The following SRSF1 variants were observed in gnomAD, a reference collection of about 807,000 sequenced individuals.
SRSF1 encodes the protein serine/arginine-rich splicing factor 1.
SRSF1 carries 1 observed loss-of-function variant against 25.9 expected under a neutral mutation model. That is an observed-to-expected ratio of 0.04 (90% confidence interval 0.01 to 0.18). The LOEUF (loss-of-function observed/expected upper bound fraction) is 0.18. Ranked by LOEUF, SRSF1 falls within the 10% of genes least tolerant of loss-of-function variation. The pLI is 1.00. For missense variants in SRSF1, 65 were observed against 350.5 expected, an observed-to-expected ratio of 0.19 and a Z score of 6.50; for synonymous variants, 132 against 126.2, an observed-to-expected ratio of 1.05 and a Z score of -0.31.
intron 1 of SRSF1, 179 bp from the exon 2 acceptor site, chr17:58,006,706 G>T: frequency 1.1e-6 from 1 of 886,618 alleles, no homozygotes; most frequent in Non-Finnish European, 1.7e-6. Context: ...CACTACACCA[G>T]CCCTCAGCGC....
At chr17:57,999,181 CT>C (rs1329436449), downstream of SRSF1, among the ~76,000 whole-genome samples, 1 of 152,142 alleles carries the variant, frequency 6.6e-6, no homozygotes, top group Non-Finnish European at 1.5e-5. Flanking sequence ...TTAAGACAAA[CT>C]TTAAGAACCT....
downstream of SRSF1, among the ~76,000 whole-genome samples, chr17:57,996,327 A>G (rs931219658): frequency 9.2e-5 from 14 of 152,000 alleles, no homozygotes; most frequent in East Asian, 1.7e-3. Context: ...TACTAAAAAT[A>G]CAAAAAATTA....
Position 58,006,533 on chromosome 17 carries a change from G to C in SRSF1, c.195-6C>G. On this transcript the variant is annotated splice_polypyrimidine_tract_variant and splice_region_variant and intron_variant, in intron 1 of 3. Transcript: ENST00000258962. ...ACACCGCGTCTTCCGCGTCTCTGCG[G>C]GATCGCAGAAAGTAAAAGGGATGAG... 2 of 1,609,266 alleles carry C rather than the reference G, an allele frequency of 1.2e-6. No individual in the cohort carries two copies. Among genetic ancestry groups the C allele is most frequent in the Non-Finnish European group, 1.7e-6 (2 of 1,177,292 alleles).
Position 58,005,790 on chromosome 17 carries a change from G to C in SRSF1, c.552+11C>G, listed in dbSNP as rs749317343. 6.2e-7 allele frequency: 1 copy of C among 1,614,102 alleles called. No homozygotes were observed. Among genetic ancestry groups the C allele is most frequent in the Non-Finnish European group, 8.5e-7 (1 of 1,180,028 alleles). Reference sequence around the variant, plus strand: ...ATTCTGGTCAAAGAAAAGAATACGTGTATAACCTACCTCATGAGATCTAAA... The same window carrying C: ...ATTCTGGTCAAAGAAAAGAATACGTCTATAACCTACCTCATGAGATCTAAA... On this transcript the variant is annotated intron_variant, in intron 3 of 3. Coordinates refer to ENST00000258962, the MANE Select transcript of SRSF1 (RefSeq NM_006924.5). The surrounding 1 kb of genome is among the most constrained non-coding windows in gnomAD (Gnocchi z 5.2).
rs1269153209 is a variant in SRSF1 at position 58,001,411 on chromosome 17, A to G, written c.*3995T>C. Among the ~76,000 whole-genome samples the G allele has an allele frequency of 6.6e-6, 1 of 152,202 alleles. No individual in the cohort carries two copies. The highest frequency in any genetic ancestry group is 1.5e-5 in the Non-Finnish European group (1 of 68,010). ...TATTCATATTCCAAACAGCATTTTA[A>G]AAAACATTAAACTTAGCTTAGTTTT... On this transcript the variant is annotated 3_prime_UTR_variant, in exon 4 of 4. Transcript: ENST00000258962.
At position 58,004,704 on chromosome 17, in the gene SRSF1, TGGG is replaced by T; in HGVS notation, c.*699_*701del. ...ACATTAGTCCCTATTAAAACAAAAA[TGGG>T]GGGAAGGGAGCAAAATAAGTTGCTA... On this transcript the variant is annotated 3_prime_UTR_variant, in exon 4 of 4. Coordinates refer to ENST00000258962, the MANE Select transcript of SRSF1 (RefSeq NM_006924.5). The T allele has an allele frequency of 3.0e-6, 1 of 330,344 alleles. No homozygotes were observed. Among genetic ancestry groups the T allele is most frequent in the Non-Finnish European group, 5.5e-6 (1 of 183,064 alleles). 20.5% of individuals were successfully genotyped at this position (330,344 alleles called of 1,614,324 possible).
chr17:57,993,887 G>A, the SRSF1 span: 2 of 152,110 alleles, frequency 1.3e-5, no homozygotes, highest in South Asian at 2.1e-4. Context: ...CTGTTTCCTC[G>A]TATTTCTGCA....
downstream of SRSF1, among the ~76,000 whole-genome samples, chr17:58,000,713 G>A (rs1044615488): frequency 1.3e-5 from 2 of 152,178 alleles, no homozygotes; most frequent in Non-Finnish European, 2.9e-5. Flanking sequence ...TTAGGCCTGT[G>A]TATGCTAGTA....
rs115432946 is a variant in SRSF1, at chr17:58,002,887, C to A, written c.*2519G>T. 0.011 allele frequency among the ~76,000 whole-genome samples: 1,635 copies of A among 152,248 alleles called. 18 individuals are homozygous for A. Among genetic ancestry groups the A allele is most frequent in the African/African-American group, 0.037 (1,556 of 41,550 alleles). ...ATTAGCCGGGCAAGGGTGGCACACA[C>A]TTGTAGTCTCAGCTACTTGGGAGAC... On this transcript the variant is annotated 3_prime_UTR_variant, in exon 4 of 4. Transcript: ENST00000258962.
the SRSF1 span, chr17:57,990,371 ATT>A: frequency 6.6e-6 from 1 of 152,180 alleles, no homozygotes; most frequent in Middle Eastern, 3.4e-3. Flanking sequence ...CAAAATCAGA[ATT>A]GATTGCTCCT....
In SRSF1 at chr17:58,006,419, C is replaced by CCCGCCG. The variant is rs1567749146; in HGVS notation, c.297_302dup (p.Gly105_Gly106dup). ...CTCGGGGAGCTCCGCCACCTCCACCCCCGCCGCCGCCTCGGCCTGTTCCAC... is the reference window on the plus strand; with the variant it reads ...CTCGGGGAGCTCCGCCACCTCCACCCCCGCCGCCGCCGCCGCCTCGGCCTGTTCCAC... On this transcript the variant is annotated inframe_insertion, in exon 2 of 4. Transcript: ENST00000258962. 1 of 1,613,206 alleles carries CCCGCCG rather than the reference C, an allele frequency of 6.2e-7. No individual in the cohort carries two copies. Among genetic ancestry groups the CCCGCCG allele is most frequent in the East Asian group, 2.2e-5 (1 of 44,878 alleles).
chr17:58,007,218 C>G lies in SRSF1; in HGVS notation c.-81G>C. The G allele has an allele frequency of 2.6e-6, 4 of 1,534,472 alleles. No individual in the cohort carries two copies. The highest frequency in any genetic ancestry group is 1.7e-4 in the Middle Eastern group (1 of 5,742). ...CGGCAGAGCGAGCCCGCAGCGGCAC[C>G]ACGTCTCCCGCGGCCCCTCCAAAAT... On this transcript the variant is annotated 5_prime_UTR_variant, in exon 1 of 4. Transcript: ENST00000258962.
downstream of SRSF1, among the ~76,000 whole-genome samples, chr17:57,995,940 CAA>C (rs1295153909): frequency 6.6e-6 from 1 of 151,828 alleles, no homozygotes; most frequent in African/African-American, 2.4e-5. Context: ...CCCAGGAGTT[CAA>C]AAAGTCTGAG....
At chr17:57,989,634 C>T in the SRSF1 span, 2 of 398,520 alleles carry the variant, frequency 5.0e-6, no homozygotes, top group Non-Finnish European at 8.8e-6. Context: ...CCCATTCTTT[C>T]CTCCCCTCAG....
At position 58,002,425 on chromosome 17, in the gene SRSF1, C is replaced by A. The variant is rs1330846208; in HGVS notation, c.*2981G>T. On this transcript the variant is annotated 3_prime_UTR_variant, in exon 4 of 4. Transcript: ENST00000258962. ...TAATCACCTTAAATTCAACTTCCAA[C>A]TATGATTAGCACCCAAGGGAAATGT... 6.6e-6 allele frequency among the ~76,000 whole-genome samples: 1 copy of A among 152,200 alleles called. No individual in the cohort carries two copies. The highest frequency in any genetic ancestry group is 1.5e-5 in the Non-Finnish European group (1 of 68,038).
At chr17:57,989,166 A>C in the SRSF1 span, 1 of 398,654 alleles carries the variant, frequency 2.5e-6, no homozygotes, top group Non-Finnish European at 4.4e-6. Flanking sequence ...TTGCAGTTCC[A>C]AGTCTTCCGT....
Position 58,006,938 on chromosome 17 carries a change from C to T in SRSF1, c.194+6G>A. On this transcript the variant is annotated splice_donor_region_variant and intron_variant, in intron 1 of 3. Coordinates refer to ENST00000258962, the MANE Select transcript of SRSF1 (RefSeq NM_006924.5). ...CCTCAAGGCTGCAAGCCCCATGCCG[C>T]CTCACCGCGGGTCCTCGAACTCAAC... 1 of 1,614,004 alleles carries T rather than the reference C, an allele frequency of 6.2e-7. No individual in the cohort carries two copies. Among genetic ancestry groups the T allele is most frequent in the Non-Finnish European group, 8.5e-7 (1 of 1,179,866 alleles).
At chr17:58,006,280 C>T in intron 2 of SRSF1, 63 bp downstream of exon 2, 1 of 1,528,340 alleles carries the variant, frequency 6.5e-7, no homozygotes, top group Non-Finnish European at 8.8e-7. Context: ...ACCTGTCACG[C>T]AAGAGAAAAA....
At position 58,003,040 on chromosome 17, in the gene SRSF1, G is replaced by A. The variant is rs2075403059; in HGVS notation, c.*2366C>T. 1.3e-5 allele frequency among the ~76,000 whole-genome samples: 2 copies of A among 152,160 alleles called. No homozygotes were observed. The highest frequency in any genetic ancestry group is 4.1e-4 in the South Asian group (2 of 4,822). On this transcript the variant is annotated 3_prime_UTR_variant, in exon 4 of 4. Coordinates refer to ENST00000258962, the MANE Select transcript of SRSF1 (RefSeq NM_006924.5). ...AACAAAAAACAGTTCTAATACATCT[G>A]TGCTGATGTTAACATTTAATACTTA...
Sources: gnomAD v4.1 joint callset for allele counts (sites outside exome capture counted in the v4.1 genomes callset) on GRCh38, gnomAD v4.1.1 for gene constraint, Gnocchi (gnomAD v3.1) non-coding constraint, MANE v1.5 for transcripts, NCBI Gene and HGNC (gene_info 2026-07-23, HGNC 2026-07-21) for gene names.